Variants in EPHA7 observed in about 807,000 individuals in gnomAD.
EPHA7 encodes the protein ephrin type-A receptor 7.
In EPHA7, 25 loss-of-function variants were observed where a neutral mutation model predicts 112.6. That is an observed-to-expected ratio of 0.22 (90% confidence interval 0.16 to 0.31). The LOEUF is 0.31. EPHA7 is among the 10% of genes least tolerant of loss of function. EPHA7 has a pLI of 1.00. For synonymous variants in EPHA7, 437 were observed against 406.5 expected (o/e 1.07, Z -0.90); for missense variants, 962 against 1,212.6 (o/e 0.79, Z 3.07).
intron 5 of EPHA7, among the ~76,000 whole-genome samples, chr6:93,328,600 G>A (rs950482941): frequency 4.0e-5 from 6 of 151,308 alleles, no homozygotes; most frequent in African/African-American, 1.5e-4. Context: ...GAGGTAATCT[G>A]GTCTTTCTTA....
intron 8 of EPHA7, among the ~76,000 whole-genome samples, chr6:93,264,266 A>G (rs907005955): frequency 6.6e-6 from 1 of 151,518 alleles, no homozygotes; most frequent in Non-Finnish European, 1.5e-5. Flanking sequence ...AACTTTTTAA[A>G]TGGTGTCCAC....
chr6:93,269,392 G>A, intron 7 of EPHA7, 85 bp downstream of exon 7: 1 of 1,053,330 alleles, frequency 9.5e-7, no homozygotes, highest in East Asian at 2.8e-5. Context: ...TTATGATGGT[G>A]CAAATGATCA....
At chr6:93,286,844 G>A (rs1171189328) in intron 5 of EPHA7, among the ~76,000 whole-genome samples, 1 of 152,088 alleles carries the variant, frequency 6.6e-6, no homozygotes, top group Non-Finnish European at 1.5e-5. Flanking sequence ...CAGGGCAAAG[G>A]TTGCGTCTGA....
At chr6:93,401,504 C>T (rs1009241829) in intron 3 of EPHA7, among the ~76,000 whole-genome samples, 1 of 151,874 alleles carries the variant, frequency 6.6e-6, no homozygotes, top group Non-Finnish European at 1.5e-5. Context: ...TAACTTTAGC[C>T]AAAGTGTGTA....
intron 2 of EPHA7, among the ~76,000 whole-genome samples, chr6:93,413,179 TTTAG>T (rs1270696779): frequency 6.6e-6 from 1 of 151,992 alleles, no homozygotes; most frequent in East Asian, 1.9e-4. Context: ...GAACATTTTT[TTTAG>T]TTAGGTATTT....
intron 3 of EPHA7, among the ~76,000 whole-genome samples, chr6:93,405,926 C>T (rs1022604798): frequency 3.4e-5 from 5 of 145,068 alleles, no homozygotes; most frequent in Non-Finnish European, 6.0e-5. Context: ...TACTTGTCTG[C>T]GAAAATAAAG....
intron 3 of EPHA7, among the ~76,000 whole-genome samples, chr6:93,362,407 T>A (rs1319086299): frequency 6.6e-6 from 1 of 152,098 alleles, no homozygotes; most frequent in Non-Finnish European, 1.5e-5. Context: ...TCCCACAAAG[T>A]TGATTTAAAT....
At position 93,243,458 on chromosome 6, in the gene EPHA7, G is replaced by A; in HGVS notation, c.2965C>T (p.Leu989=). Residue 989 remains leucine (L), a synonymous_variant, in exon 17 of 17, where the codon CTA becomes TTA. Transcript: ENST00000369303. ...TGAATGCCAGTTCCATGTAAATGTA[G>A]CATTTGTGCTCTCATAGTCTGAATG... is the stretch of plus-strand genomic sequence containing the variant. ...SSIQTMRAQM[L]HLHGTGIQV is the part of the protein sequence containing the mutation. 1 of 1,613,394 alleles carries A rather than the reference G, an allele frequency of 6.2e-7. No individual in the cohort carries two copies. The highest frequency in any genetic ancestry group is 8.5e-7 in the Non-Finnish European group (1 of 1,179,480).
intron 3 of EPHA7, among the ~76,000 whole-genome samples, chr6:93,406,422 C>T (rs351322): frequency 6.6e-6 from 1 of 151,472 alleles, no homozygotes; most frequent in East Asian, 1.9e-4. Flanking sequence ...CATATGGTCA[C>T]CCTACATAGA....
chr6:93,395,031 A>AT (rs914944068), intron 3 of EPHA7, among the ~76,000 whole-genome samples: 4 of 151,434 alleles, frequency 2.6e-5, no homozygotes, highest in Admixed American at 6.6e-5. Flanking sequence ...TTTTGTGAGA[A>AT]TTTTTTTTAC....
intron 3 of EPHA7, among the ~76,000 whole-genome samples, chr6:93,403,420 CA>C (rs1469647852): frequency 4.7e-5 from 7 of 149,192 alleles, no homozygotes; most frequent in Non-Finnish European, 7.4e-5. Context: ...GAGGAAAAGA[CA>C]AGGAATAAAA....
rs1411897131 is a variant in EPHA7, at chr6:93,265,987, G to A, written c.1634-1285C>T. On this transcript the variant is annotated intron_variant, in intron 7 of 16. Coordinates refer to ENST00000369303, the MANE Select transcript of EPHA7 (RefSeq NM_004440.4). The stretch of plus-strand genomic sequence containing the variant: ...CCTGTGTTGAAAAACAGGAAAAATC[G>A]CTCTGGTCTAATAGATACTTTCTGA... Among the ~76,000 whole-genome samples, 5 of 151,500 alleles carry A rather than the reference G, an allele frequency of 3.3e-5. No individual in the cohort carries two copies. The South Asian group carries it at 1.0e-3, about 31-fold the overall frequency.
intron 5 of EPHA7, among the ~76,000 whole-genome samples, chr6:93,290,014 T>TG (rs1395119777): frequency 4.6e-5 from 7 of 152,166 alleles, no homozygotes; most frequent in African/African-American, 1.7e-4. Context: ...ATACACAACA[T>TG]GCATCTTCTT....
In EPHA7 at chr6:93,258,258, G is replaced by C; in HGVS notation, c.1951C>G (p.Arg651Gly). The C allele has an allele frequency of 6.2e-7, 1 of 1,608,856 alleles. No individual in the cohort carries two copies. The change falls in exon 11 of 17, where the codon CGT becomes GGT. Residue 651 changes from arginine to glycine, a missense_variant. By Grantham distance (125) the Arg-to-Gly change is moderately radical (BLOSUM62 -2). Coordinates refer to ENST00000369303, the MANE Select transcript of EPHA7 (RefSeq NM_004440.4). The stretch of plus-strand genomic sequence containing the variant: ...TCTCTTTTCCCTGGAAGTTTCAAAC[G>C]GCCACTGCAGACTTCACCGAATTCT... Reference protein sequence around the residue: ...AGEFGEVCSGRLKLPGKRDVA... With the variant: ...AGEFGEVCSGGLKLPGKRDVA...
intron 15 of EPHA7, 101 bp downstream of exon 15, chr6:93,246,691 A>T: frequency 9.7e-7 from 1 of 1,026,488 alleles, no homozygotes; most frequent in East Asian, 2.4e-5. Flanking sequence ...TTATACGTCA[A>T]CACAAAAGTC....
chr6:93,414,066 A>T (rs925842322), intron 2 of EPHA7, among the ~76,000 whole-genome samples: 1 of 151,886 alleles, frequency 6.6e-6, no homozygotes, highest in Admixed American at 6.6e-5. Flanking sequence ...AGATTTACTA[A>T]TATTTTGGTA....
At chr6:93,293,744 A>G (rs1417695933) in intron 5 of EPHA7, among the ~76,000 whole-genome samples, 1 of 152,196 alleles carries the variant, frequency 6.6e-6, no homozygotes, top group Non-Finnish European at 1.5e-5. Flanking sequence ...CAAACAGTAA[A>G]GAAAAGCTTT....
chr6:93,262,979 T>C (rs924157328), intron 9 of EPHA7, among the ~76,000 whole-genome samples: 5 of 151,380 alleles, frequency 3.3e-5, no homozygotes, highest in Admixed American at 1.3e-4. Context: ...CAACAAAAGA[T>C]ACAATTCTTA....
At chr6:93,329,935 T>C (rs1774510728) in intron 5 of EPHA7, among the ~76,000 whole-genome samples, 1 of 151,296 alleles carries the variant, frequency 6.6e-6, no homozygotes, top group Admixed American at 6.6e-5. Context: ...ATTAGCAATG[T>C]AAACTCTCAC....
Sources: allele counts gnomAD v4.1 joint callset (sites outside exome capture counted in the v4.1 genomes callset), GRCh38; gene constraint gnomAD v4.1.1; transcripts MANE v1.5; gene names NCBI Gene and HGNC (gene_info 2026-07-23, HGNC 2026-07-21).